The following VEPH1 variants were observed in gnomAD, a reference collection of about 807,000 sequenced individuals.
The protein encoded by VEPH1 is ventricular zone expressed PH domain containing 1, also known as ventricular zone-expressed PH domain-containing protein homolog 1.
In VEPH1, 80 loss-of-function variants were observed where a neutral mutation model predicts 85.2. The ratio of observed to expected loss-of-function variants is 0.94; its 90% confidence interval spans 0.78 to 1.13. VEPH1 has a LOEUF of 1.13. VEPH1 is among the 50% of genes most tolerant of loss of function. VEPH1 has a pLI of 0.00. For synonymous variants in VEPH1, 297 were observed against 348.0 expected (o/e 0.85, Z 1.63); for missense variants, 955 against 980.5 (o/e 0.97, Z 0.35).
intron 11 of VEPH1, among the ~76,000 whole-genome samples, chr3:157,291,010 T>G (rs1717416565): frequency 6.6e-6 from 1 of 152,206 alleles, no homozygotes; most frequent in Non-Finnish European, 1.5e-5. Flanking sequence ...GAGGGTACTG[T>G]GAAGCAATTT....
intron 13 of VEPH1, 122 bp from the exon 14 acceptor site, chr3:157,261,492 T>C (rs2108226915): frequency 2.7e-6 from 4 of 1,462,604 alleles, no homozygotes; most frequent in Middle Eastern, 2.6e-4. Context: ...AAGACCTTTG[T>C]TATTTTGGGT....
chr3:157,355,525 C>T (rs1330364869), intron 9 of VEPH1, among the ~76,000 whole-genome samples: 1 of 152,222 alleles, frequency 6.6e-6, no homozygotes, highest in Non-Finnish European at 1.5e-5. Context: ...GCACAAATAC[C>T]AGCTAAGTAG....
intron 11 of VEPH1, among the ~76,000 whole-genome samples, chr3:157,306,477 A>G (rs915206879): frequency 6.6e-6 from 1 of 152,076 alleles, no homozygotes; most frequent in Non-Finnish European, 1.5e-5. Context: ...ATCCCATGCT[A>G]TTACATATAG....
intron 4 of VEPH1, among the ~76,000 whole-genome samples, chr3:157,457,263 C>T (rs1428610820): frequency 6.6e-6 from 1 of 152,072 alleles, no homozygotes; most frequent in East Asian, 1.9e-4. Flanking sequence ...TGTTTATCAG[C>T]TTAAGGAGCT....
At chr3:157,488,933 TCTCTCTC>T in intron 2 of VEPH1, 1 of 248,180 alleles carries the variant, frequency 4.0e-6, no homozygotes, top group Non-Finnish European at 8.4e-6. Flanking sequence ...TCTCTCTCTC[TCTCTCTC>T]TCTCTTTCTC....
At chr3:157,395,108 CTG>C (rs1280355103) in intron 6 of VEPH1, among the ~76,000 whole-genome samples, 1 of 152,158 alleles carries the variant, frequency 6.6e-6, no homozygotes, top group Non-Finnish European at 1.5e-5. Context: ...TGCCGCATTT[CTG>C]TCTGTAGAGT....
intron 12 of VEPH1, among the ~76,000 whole-genome samples, chr3:157,267,640 C>T (rs1448035836): frequency 1.3e-5 from 2 of 151,922 alleles, no homozygotes; most frequent in African/African-American, 4.8e-5. Context: ...CAAAAATTAG[C>T]TGGGTGTAAT....
intron 11 of VEPH1, among the ~76,000 whole-genome samples, chr3:157,287,214 A>C (rs1363643192): frequency 1.3e-5 from 2 of 152,020 alleles, no homozygotes; most frequent in African/African-American, 4.8e-5. Context: ...CTCTACCAAA[A>C]ATACAAAAAC....
intron 9 of VEPH1, among the ~76,000 whole-genome samples, chr3:157,343,665 T>A (rs1448317742): frequency 6.6e-6 from 1 of 152,216 alleles, no homozygotes; most frequent in Non-Finnish European, 1.5e-5. Context: ...GAATCTGCCC[T>A]AACTCATTTT....
chr3:157,295,950 A>G (rs1718076511), intron 11 of VEPH1, among the ~76,000 whole-genome samples: 1 of 152,140 alleles, frequency 6.6e-6, no homozygotes, highest in African/African-American at 2.4e-5. Context: ...GTGAGACTCC[A>G]TCTCAAAAAA....
intron 3 of VEPH1, among the ~76,000 whole-genome samples, chr3:157,466,691 C>A (rs895720166): frequency 2.0e-5 from 3 of 152,196 alleles, no homozygotes; most frequent in African/African-American, 7.2e-5. Flanking sequence ...GACACGGAAG[C>A]CTTCAAGCTC....
chr3:157,473,489 G>A (rs1488566719), intron 2 of VEPH1, among the ~76,000 whole-genome samples: 1 of 152,048 alleles, frequency 6.6e-6, no homozygotes, highest in Non-Finnish European at 1.5e-5. Context: ...GCCTTTCTGA[G>A]ATCTATATAT....
Position 157,497,773 on chromosome 3 carries a change from C to G in VEPH1, c.-157-2267G>C, listed in dbSNP as rs576504077. ...CCTGGTGTGGAGTCCCACATTCATG[C>G]TGCCAACTTCAGCTCTTACTCTTGA... is the stretch of plus-strand genomic sequence containing the variant. On this transcript the variant is annotated intron_variant, in intron 1 of 13. Transcript: ENST00000362010. 1.6e-4 allele frequency among the ~76,000 whole-genome samples: 24 copies of G among 152,300 alleles called. No individual in the cohort carries two copies. In the South Asian group the frequency reaches 5.0e-3, roughly 32 times the overall value.
intron 13 of VEPH1, among the ~76,000 whole-genome samples, chr3:157,263,844 GAT>G (rs768413175): frequency 2.6e-4 from 40 of 152,310 alleles, no homozygotes; most frequent in South Asian, 8.3e-4. Flanking sequence ...GTACTCTAAA[GAT>G]ATAGTGCATA....
chr3:157,456,800 T>C (rs981747446), intron 4 of VEPH1, among the ~76,000 whole-genome samples: 1 of 151,988 alleles, frequency 6.6e-6, no homozygotes, highest in Non-Finnish European at 1.5e-5. Context: ...TTTGAAGTAA[T>C]ACAGTGTGAT....
At chr3:157,307,010 C>T (rs1719584882) in intron 11 of VEPH1, among the ~76,000 whole-genome samples, 1 of 151,966 alleles carries the variant, frequency 6.6e-6, no homozygotes, top group Non-Finnish European at 1.5e-5. Flanking sequence ...CAAGTTGCTG[C>T]AAAAGACATT....
intron 11 of VEPH1, among the ~76,000 whole-genome samples, chr3:157,287,096 G>A (rs1481521084): frequency 6.6e-6 from 1 of 152,148 alleles, no homozygotes; most frequent in Non-Finnish European, 1.5e-5. Context: ...TTATTGGCCG[G>A]GCGTGGTGGG....
At chr3:157,295,136 G>C (rs2108425211) in intron 11 of VEPH1, among the ~76,000 whole-genome samples, 1 of 152,256 alleles carries the variant, frequency 6.6e-6, no homozygotes, top group Admixed American at 6.5e-5. Context: ...GATGACATCT[G>C]GTTCTCATCA....
At chr3:157,430,941 C>T (rs1290467408) in intron 4 of VEPH1, among the ~76,000 whole-genome samples, 1 of 152,132 alleles carries the variant, frequency 6.6e-6, no homozygotes. Context: ...GGGCTGGGTT[C>T]CTTCCTGGAT....
Sources: allele counts gnomAD v4.1 joint callset (sites outside exome capture counted in the v4.1 genomes callset), GRCh38; gene constraint gnomAD v4.1.1; transcripts MANE v1.5; gene names NCBI Gene and HGNC (gene_info 2026-07-23, HGNC 2026-07-21).